The following ZCCHC7 variants were observed in gnomAD, a reference collection of about 807,000 sequenced individuals.
The protein encoded by ZCCHC7 is zinc finger CCHC-type containing 7, also known as zinc finger CCHC domain-containing protein 7.
A neutral mutation model predicts 52.0 loss-of-function variants in ZCCHC7; 35 were observed. The ratio of observed to expected loss-of-function variants is 0.67; its 90% CI spans 0.51 to 0.89. The LOEUF (loss-of-function observed/expected upper bound fraction) is 0.89, where lower values mean the gene tolerates loss of function less well. Ranked by LOEUF, ZCCHC7 falls within the 40% of genes least tolerant of loss-of-function variation. ZCCHC7 has a pLI of 0.00. For synonymous variants in ZCCHC7, 217 were observed against 221.5 expected, an observed-to-expected ratio of 0.98 and a Z score of 0.18; for missense variants, 574 against 649.1, an observed-to-expected ratio of 0.88 and a Z score of 1.26.
chr9:37,138,166 T>C (rs1310114006), intron 2 of ZCCHC7, among the ~76,000 whole-genome samples: 1 of 152,222 alleles, frequency 6.6e-6, no homozygotes, highest in Non-Finnish European at 1.5e-5. Flanking sequence ...TAATTTCTAA[T>C]TAGCATAATG....
rs1313195328 is a variant in ZCCHC7 at position 37,187,280 on chromosome 9, G to A, written c.610+60338G>A. 3.9e-5 allele frequency among the ~76,000 whole-genome samples: 6 copies of A among 152,150 alleles called. No individual in the cohort carries two copies. The East Asian group carries it at 1.2e-3, about 29-fold the overall frequency. ...GAAAATTTTTCCATGGACAGGGGTCGGGGGATAGTTTCGAGATGAAACTGT... is the reference window on the plus strand; with the variant it reads ...GAAAATTTTTCCATGGACAGGGGTCAGGGGATAGTTTCGAGATGAAACTGT... On this transcript the variant is annotated intron_variant, in intron 2 of 8. Coordinates refer to ENST00000336755, the MANE Select transcript of ZCCHC7 (RefSeq NM_032226.3).
chr9:37,344,180 CTTA>C (rs993711103), intron 6 of ZCCHC7, among the ~76,000 whole-genome samples: 1 of 152,094 alleles, frequency 6.6e-6, no homozygotes, highest in African/African-American at 2.4e-5. Flanking sequence ...TAAGTTATGT[CTTA>C]TATTTGCACA....
At chr9:37,248,211 G>A (rs189438499) in intron 2 of ZCCHC7, among the ~76,000 whole-genome samples, 308 of 152,232 alleles carry the variant, frequency 2.0e-3, no homozygotes, top group African/African-American at 7.1e-3. Context: ...ACAGTTCTCA[G>A]AGGAGGTAGT....
chr9:37,136,344 A>G (rs1250060373), intron 2 of ZCCHC7, among the ~76,000 whole-genome samples: 1 of 152,222 alleles, frequency 6.6e-6, no homozygotes, highest in Non-Finnish European at 1.5e-5. Context: ...CTTCATAGTT[A>G]CACGATAGGT....
At chr9:37,323,441 TTGGG>T (rs1830126352) in intron 5 of ZCCHC7, among the ~76,000 whole-genome samples, 1 of 152,162 alleles carries the variant, frequency 6.6e-6, no homozygotes, top group Non-Finnish European at 1.5e-5. Context: ...AAATTTGACC[TTGGG>T]TGGAAAGATG....
intron 6 of ZCCHC7, among the ~76,000 whole-genome samples, chr9:37,336,536 A>C (rs1263795174): frequency 1.3e-5 from 2 of 152,110 alleles, no homozygotes; most frequent in Non-Finnish European, 2.9e-5. Context: ...ATGTGGAGTT[A>C]TGGTAAAAAT....
Position 37,335,483 on chromosome 9 carries a change from CT to C in ZCCHC7, c.987+7651del, listed in dbSNP as rs373714000. Among the ~76,000 whole-genome samples the C allele has an allele frequency of 1.1e-4, 17 of 152,148 alleles. No homozygotes were observed. In the East Asian group the frequency reaches 3.1e-3, roughly 28 times the overall value. ...TTCATCTGAAAAATGGGGATAATGC[CT>C]TGTAGGATTTTGTTAAGTATACGAT... On this transcript the variant is annotated intron_variant, in intron 6 of 8. Coordinates refer to ENST00000336755, the MANE Select transcript of ZCCHC7 (RefSeq NM_032226.3).
chr9:37,319,322 T>C lies in ZCCHC7; in HGVS notation c.952-8477T>C, dbSNP rs199812657. 9.2e-5 allele frequency among the ~76,000 whole-genome samples: 14 copies of C among 152,358 alleles called. No individual in the cohort carries two copies. The East Asian group carries it at 2.5e-3, about 27-fold the overall frequency. On this transcript the variant is annotated intron_variant, in intron 5 of 8. Transcript: ENST00000336755. ...AAATATTTTTTTCTAGTCCATAGTT[T>C]GTCTTCTTATTTTCTTGACGGTTCT...
At chr9:37,316,580 G>A (rs188555694) in intron 5 of ZCCHC7, among the ~76,000 whole-genome samples, 197 of 145,584 alleles carry the variant, frequency 1.4e-3, no homozygotes, top group African/African-American at 4.8e-3. Context: ...CCGTCTCAGC[G>A]TCCCAAAGTG....
intron 2 of ZCCHC7, among the ~76,000 whole-genome samples, chr9:37,180,011 A>G (rs1037698282): frequency 1.3e-5 from 2 of 152,216 alleles, no homozygotes; most frequent in Admixed American, 6.5e-5. Context: ...TGTATAGGCC[A>G]TAAGGACAAG....
rs551916292 is a variant in ZCCHC7, at chr9:37,190,883, G to A, written c.610+63941G>A. ...AAAAAAAATACCAAATTAGCTGGGC[G>A]TGGTGGTGCTTGCCTGTAATCCCAG... On this transcript the variant is annotated intron_variant, in intron 2 of 8. Transcript: ENST00000336755. 6.5e-4 allele frequency among the ~76,000 whole-genome samples: 99 copies of A among 152,192 alleles called. 2 individuals carry two copies. The South Asian group carries it at 0.02, about 31-fold the overall frequency.
chr9:37,238,708 A>T (rs925602042), intron 2 of ZCCHC7, among the ~76,000 whole-genome samples: 5 of 152,086 alleles, frequency 3.3e-5, no homozygotes, highest in Non-Finnish European at 7.4e-5. Context: ...GATCATTTCA[A>T]CTGTTTCTTT....
At position 37,326,578 on chromosome 9, in the gene ZCCHC7, T is replaced by C. The variant is rs185507867; in HGVS notation, c.952-1221T>C. Among the ~76,000 whole-genome samples the C allele has an allele frequency of 7.2e-3, 1,100 of 151,890 alleles. 9 individuals carry two copies. Among genetic ancestry groups the C allele is most frequent in the Non-Finnish European group, 7.9e-3 (538 of 67,834 alleles). On this transcript the variant is annotated intron_variant, in intron 5 of 8. Coordinates refer to ENST00000336755, the MANE Select transcript of ZCCHC7 (RefSeq NM_032226.3). ...AGGATAAAATTTTTCAGCATAGATA[T>C]GTTTCAGCATAGTTGAAACATATCT...
intron 5 of ZCCHC7, among the ~76,000 whole-genome samples, chr9:37,320,290 C>T (rs1241907773): frequency 6.6e-6 from 1 of 152,180 alleles, no homozygotes; most frequent in Non-Finnish European, 1.5e-5. Context: ...GTTGGCCAGG[C>T]TGGTCTCGAA....
At chr9:37,296,170 G>A (rs971361872) in intron 2 of ZCCHC7, among the ~76,000 whole-genome samples, 4 of 152,124 alleles carry the variant, frequency 2.6e-5, no homozygotes, top group Non-Finnish European at 5.9e-5. Context: ...AATTGTACTG[G>A]GTTGGGTGGA....
intron 2 of ZCCHC7, among the ~76,000 whole-genome samples, chr9:37,161,021 C>A (rs971818611): frequency 1.7e-4 from 26 of 151,524 alleles, no homozygotes; most frequent in African/African-American, 6.3e-4. Flanking sequence ...ACGATCTCAG[C>A]TCACTGCACT....
intron 2 of ZCCHC7, among the ~76,000 whole-genome samples, chr9:37,241,054 A>G (rs1355599694): frequency 6.6e-6 from 1 of 151,800 alleles, no homozygotes; most frequent in Non-Finnish European, 1.5e-5. Flanking sequence ...CCACACTTGG[A>G]CCTCTCATTT....
At chr9:37,294,678 C>G (rs569168253) in intron 2 of ZCCHC7, among the ~76,000 whole-genome samples, 1 of 152,124 alleles carries the variant, frequency 6.6e-6, no homozygotes, top group African/African-American at 2.4e-5. Flanking sequence ...CAGAACAGTA[C>G]TTATTCATAC....
intron 2 of ZCCHC7, among the ~76,000 whole-genome samples, chr9:37,279,703 A>AATATAT (rs150994323): frequency 2.0e-5 from 3 of 149,094 alleles, no homozygotes; most frequent in Non-Finnish European, 4.5e-5. Flanking sequence ...TATAAATTAA[A>AATATAT]ATATATATAT....
Sources: gnomAD v4.1 joint callset for allele counts (sites outside exome capture counted in the v4.1 genomes callset) on GRCh38, gnomAD v4.1.1 for gene constraint, MANE v1.5 for transcripts, NCBI Gene and HGNC (gene_info 2026-07-23, HGNC 2026-07-21) for gene names.